Variants in ANXA10 observed in about 807,000 individuals in gnomAD.
The protein encoded by ANXA10 is annexin 14.
In ANXA10, 49 loss-of-function variants were observed where a neutral mutation model predicts 53.5. That is an observed-to-expected ratio of 0.92 (90% CI 0.73 to 1.16). The LOEUF is 1.16. Ranked by LOEUF, ANXA10 falls within the 50% of genes most tolerant of loss-of-function variation. The pLI is 0.00. For missense variants in ANXA10, 393 were observed against 394.4 expected (o/e 1.00, Z 0.03); for synonymous variants, 131 against 128.9 (o/e 1.02, Z -0.11).
At chr4:168,115,994 T>A (rs1190916541) in intron 1 of ANXA10, among the ~76,000 whole-genome samples, 2 of 152,132 alleles carry the variant, frequency 1.3e-5, no homozygotes, top group African/African-American at 2.4e-5. Flanking sequence ...GAGCTCGCAT[T>A]ACGTCTAAGG....
At chr4:168,183,246 G>A (rs1732297585) in intron 10 of ANXA10, among the ~76,000 whole-genome samples, 2 of 152,148 alleles carry the variant, frequency 1.3e-5, no homozygotes, top group Admixed American at 6.5e-5. Context: ...TATATCTTCT[G>A]CAGTGTATTT....
intron 6 of ANXA10, among the ~76,000 whole-genome samples, chr4:168,173,356 A>C (rs1437443947): frequency 6.6e-6 from 1 of 152,210 alleles, no homozygotes; most frequent in Admixed American, 6.5e-5. Context: ...AGATTATGTC[A>C]AATCCTGAAG....
chr4:168,164,371 A>T, intron 5 of ANXA10, 83 bp downstream of exon 5: 1 of 1,042,800 alleles, frequency 9.6e-7, no homozygotes. Context: ...ATGTATTTTG[A>T]AGAATTATCT....
At chr4:168,153,107 A>G (rs1731526101) in intron 3 of ANXA10, among the ~76,000 whole-genome samples, 1 of 152,178 alleles carries the variant, frequency 6.6e-6, no homozygotes, top group Admixed American at 6.5e-5. Flanking sequence ...GCCTCCCAAA[A>G]CACAGGCATG....
At chr4:168,105,734 A>G (rs1307054673) in intron 1 of ANXA10, among the ~76,000 whole-genome samples, 3 of 152,092 alleles carry the variant, frequency 2.0e-5, no homozygotes, top group Non-Finnish European at 4.4e-5. Context: ...ACTCCCACCA[A>G]CAGTATATAA....
intron 3 of ANXA10, among the ~76,000 whole-genome samples, chr4:168,158,433 T>C (rs951982603): frequency 1.3e-5 from 2 of 152,214 alleles, no homozygotes; most frequent in Non-Finnish European, 2.9e-5. Context: ...TCAAAGAAGT[T>C]AAATTCATCA....
chr4:168,175,143 GGA>G (rs1471834331), intron 6 of ANXA10, among the ~76,000 whole-genome samples: 1 of 152,100 alleles, frequency 6.6e-6, no homozygotes, highest in Non-Finnish European at 1.5e-5. Context: ...ACAAGACTGA[GGA>G]GTAACCAATA....
chr4:168,109,532 T>C (rs1469615360), intron 1 of ANXA10, among the ~76,000 whole-genome samples: 1 of 152,162 alleles, frequency 6.6e-6, no homozygotes, highest in Non-Finnish European at 1.5e-5. Context: ...ATTCAAAGTA[T>C]AAAATAAATC....
chr4:168,153,988 A>G (rs1456457954), intron 3 of ANXA10, among the ~76,000 whole-genome samples: 2 of 150,870 alleles, frequency 1.3e-5, no homozygotes, highest in East Asian at 4.0e-4. Flanking sequence ...GTATACACAC[A>G]CACACACACA....
chr4:168,117,251 TAAG>T (rs768646860), intron 1 of ANXA10, among the ~76,000 whole-genome samples: 63 of 152,036 alleles, frequency 4.1e-4, no homozygotes, highest in African/African-American at 1.1e-3. Flanking sequence ...TCAAAAATAC[TAAG>T]AAGAAGAAGA....
chr4:168,110,240 AAAAT>A (rs1730782883), intron 1 of ANXA10, among the ~76,000 whole-genome samples: 1 of 152,198 alleles, frequency 6.6e-6, no homozygotes, highest in East Asian at 1.9e-4. Context: ...TTAAAAAATA[AAAAT>A]AAATAAACTC....
At chr4:168,171,464 G>C (rs1282098518) in intron 6 of ANXA10, among the ~76,000 whole-genome samples, 1 of 152,022 alleles carries the variant, frequency 6.6e-6, no homozygotes, top group Admixed American at 6.5e-5. Flanking sequence ...TAGAATCAAA[G>C]GAAAGATGAC....
At chr4:168,121,307 T>C (rs1255389826) in intron 1 of ANXA10, among the ~76,000 whole-genome samples, 1 of 152,150 alleles carries the variant, frequency 6.6e-6, no homozygotes, top group East Asian at 1.9e-4. Context: ...CATGGAATTT[T>C]GTTAGACTTT....
intron 1 of ANXA10, among the ~76,000 whole-genome samples, chr4:168,093,150 G>C (rs887976726): frequency 6.6e-6 from 1 of 152,000 alleles, no homozygotes; most frequent in Non-Finnish European, 1.5e-5. Flanking sequence ...TATGTAATTT[G>C]ATTCAGAATT....
intron 2 of ANXA10, among the ~76,000 whole-genome samples, chr4:168,135,593 G>T (rs556050553): frequency 6.6e-6 from 1 of 152,124 alleles, no homozygotes; most frequent in African/African-American, 2.4e-5. Flanking sequence ...AACTAGTTGT[G>T]CACTAAACCA....
intron 1 of ANXA10, among the ~76,000 whole-genome samples, chr4:168,121,563 AAGTT>A: frequency 6.6e-6 from 1 of 152,254 alleles, no homozygotes; most frequent in African/African-American, 2.4e-5. Context: ...AATAATATCA[AAGTT>A]AATCTCAAAA....
intron 3 of ANXA10, among the ~76,000 whole-genome samples, chr4:168,153,422 C>CAAAA (rs61179704): frequency 1.0e-3 from 44 of 43,486 alleles, no homozygotes; most frequent in African/African-American, 2.1e-3. Context: ...AAGCCTAAAG[C>CAAAA]AAAAAAAAAA....
intron 1 of ANXA10, among the ~76,000 whole-genome samples, chr4:168,125,955 T>G (rs2319708): frequency 0.66 from 100,552 of 152,048 alleles, 34,254 homozygotes; most frequent in African/African-American, 0.81. Context: ...GAAATGACAG[T>G]TATTACAATT....
In ANXA10 at chr4:168,179,227, AT is replaced by A. The variant is rs1187112471; in HGVS notation, c.642del (p.Gln215LysfsTer9). 2 of 1,605,404 alleles carry A rather than the reference AT, an allele frequency of 1.2e-6. No individual in the cohort carries two copies. Among genetic ancestry groups the A allele is most frequent in the Non-Finnish European group, 1.7e-6 (2 of 1,174,920 alleles). On this transcript the variant is annotated frameshift_variant, in exon 9 of 12. Transcript: ENST00000359299. LOFTEE classifies it high-confidence loss of function. ...YQQLRLVFQEFQNISGQDMVD... is the reference protein window; with the variant it reads ...YQQLRLVFQEXQNISGQDMVD... Reference sequence around the variant, plus strand: ...ATCAATTTGTTAAAGTTTTCCAGGAATTTCAAAATATTTCTGGGCAAGATAT... The same window carrying A: ...ATCAATTTGTTAAAGTTTTCCAGGAATTCAAAATATTTCTGGGCAAGATAT...
Sources: gnomAD v4.1 joint callset for allele counts (sites outside exome capture counted in the v4.1 genomes callset) on GRCh38, gnomAD v4.1.1 for gene constraint, MANE v1.5 for transcripts, NCBI Gene and HGNC (gene_info 2026-07-23, HGNC 2026-07-21) for gene names.